The following NBAS variants were observed in gnomAD, a reference collection of about 807,000 sequenced individuals.
NBAS encodes the protein NBAS subunit of NRZ tethering complex, also known as NAG/BC035112 fusion.
A neutral mutation model predicts 302.5 loss-of-function variants in NBAS; 219 were observed. The ratio of observed to expected loss-of-function variants is 0.72; its 90% CI spans 0.65 to 0.81. The LOEUF is 0.81. NBAS is among the 30% of genes least tolerant of loss of function. The probability of loss-of-function intolerance (pLI) is 0.00; values close to 1 mark genes in which losing one functional copy is unlikely to be tolerated. For synonymous variants in NBAS, 1,118 were observed against 1,021.6 expected (o/e 1.09, Z -1.80); for missense variants, 2,932 against 2,841.6 (o/e 1.03, Z -0.72).
the NBAS span, among the ~76,000 whole-genome samples, chr2:14,890,229 G>A: frequency 6.6e-6 from 1 of 151,988 alleles, no homozygotes; most frequent in Non-Finnish European, 1.5e-5. Flanking sequence ...TAAGAATTTT[G>A]TTCTCTGCAG....
At position 15,561,232 on chromosome 2, in the gene NBAS, C is replaced by A. The variant is rs769002296; in HGVS notation, c.73G>T (p.Asp25Tyr). Reference sequence around the variant, plus strand: ...GGCCACTCGGTGTTGACCAACAAGTCATAGAGAATCGTCTCCTCCTCACCC... The same window carrying A: ...GGCCACTCGGTGTTGACCAACAAGTAATAGAGAATCGTCTCCTCCTCACCC... Reference protein sequence around the residue: ...AEGEEETILYDLLVNTEWPPE... With the variant: ...AEGEEETILYYLLVNTEWPPE... The change falls in exon 1 of 52, where the codon GAC (aspartate) becomes TAC (tyrosine). Residue 25 changes from aspartate (D) to tyrosine (Y), a missense_variant. Asp to Tyr is a radical substitution (Grantham distance 160, BLOSUM62 -3). Coordinates refer to ENST00000281513, the MANE Select transcript of NBAS (RefSeq NM_015909.4). 5.0e-6 allele frequency: 8 copies of A among 1,613,930 alleles called. No homozygotes were observed. The highest frequency in any genetic ancestry group is 6.8e-6 in the Non-Finnish European group (8 of 1,180,042).
At chr2:15,387,890 C>T (rs1675390455) in intron 28 of NBAS, among the ~76,000 whole-genome samples, 2 of 152,196 alleles carry the variant, frequency 1.3e-5, no homozygotes, top group South Asian at 4.1e-4. Context: ...CCGCCTCCGC[C>T]TCCCAAAGTG....
At chr2:15,040,282 T>C in the NBAS span, among the ~76,000 whole-genome samples, 28 of 152,242 alleles carry the variant, frequency 1.8e-4, no homozygotes, top group Non-Finnish European at 4.0e-4. Flanking sequence ...TTATTACAGG[T>C]GGGAAAATTG....
chr2:15,034,009 GAAGAAGAA>G, the NBAS span, among the ~76,000 whole-genome samples: 92 of 49,304 alleles, frequency 1.9e-3, 3 homozygotes, highest in East Asian at 9.7e-3. Flanking sequence ...AGAAGAAGAA[GAAGAAGAA>G]GAAGAAGAAG....
At chr2:15,264,979 G>A (rs1391312616) in intron 44 of NBAS, among the ~76,000 whole-genome samples, 1 of 152,102 alleles carries the variant, frequency 6.6e-6, no homozygotes, top group African/African-American at 2.4e-5. Flanking sequence ...CTTTTCTCCA[G>A]TTCATGCCAC....
chr2:15,553,566 C>G, intron 4 of NBAS, 93 bp from the exon 5 acceptor site: 1 of 1,201,648 alleles, frequency 8.3e-7, no homozygotes, highest in Non-Finnish European at 1.2e-6. Context: ...AGTTAAAAAT[C>G]ATTTTTAAAT....
At chr2:15,506,105 A>T (rs1220846083) in intron 10 of NBAS, among the ~76,000 whole-genome samples, 1 of 152,114 alleles carries the variant, frequency 6.6e-6, no homozygotes, top group Non-Finnish European at 1.5e-5. Context: ...AGGGAGAGGT[A>T]AAAAGAGTAA....
intron 44 of NBAS, among the ~76,000 whole-genome samples, chr2:15,248,509 C>A (rs1371665646): frequency 1.3e-5 from 2 of 152,024 alleles, no homozygotes; most frequent in Non-Finnish European, 2.9e-5. Context: ...TTCAAAAAAT[C>A]AATGAATCCA....
At chr2:15,007,198 G>A in the NBAS span, among the ~76,000 whole-genome samples, 31 of 152,148 alleles carry the variant, frequency 2.0e-4, no homozygotes, top group African/African-American at 5.1e-4. Context: ...TAAATTATCC[G>A]GATACACTAG....
intron 26 of NBAS, among the ~76,000 whole-genome samples, chr2:15,397,104 C>T (rs1468617518): frequency 6.6e-6 from 1 of 152,128 alleles, no homozygotes; most frequent in Admixed American, 6.5e-5. Context: ...GGAGAAACAC[C>T]GTCATGAAAA....
At chr2:15,472,748 G>A (rs759358354) in intron 16 of NBAS, among the ~76,000 whole-genome samples, 4 of 152,226 alleles carry the variant, frequency 2.6e-5, no homozygotes, top group Non-Finnish European at 5.9e-5. Flanking sequence ...CAGCCTAGGG[G>A]AGGGGCCTCC....
intron 50 of NBAS, chr2:15,180,202 G>C (rs1415761914): frequency 6.6e-6 from 1 of 152,178 alleles, no homozygotes; most frequent in African/African-American, 2.4e-5. Flanking sequence ...TTAAACTCAG[G>C]ATAAAGTTCT....
intron 42 of NBAS, among the ~76,000 whole-genome samples, chr2:15,280,928 C>A (rs970806266): frequency 1.3e-5 from 2 of 152,168 alleles, no homozygotes; most frequent in African/African-American, 4.8e-5. Flanking sequence ...TATAATGCAG[C>A]CTGACAGCTG....
At chr2:15,502,365 T>G (rs1259934891) in intron 11 of NBAS, among the ~76,000 whole-genome samples, 1 of 152,250 alleles carries the variant, frequency 6.6e-6, no homozygotes, top group Non-Finnish European at 1.5e-5. Context: ...CATGTATCAC[T>G]TAACAACAGG....
rs761339604 is a variant in NBAS, at chr2:15,474,393, G to A, written c.1342-69C>T. On this transcript the variant is annotated intron_variant, in intron 14 of 51. Transcript: ENST00000281513. ...GAATAACTTTTTAGAATTAATGAAA[G>A]AAAATATATTTCTAAATCTACTCTG... 1.9e-4 allele frequency: 265 copies of A among 1,405,918 alleles called. 1 individual carries two copies. The highest frequency in any genetic ancestry group is 2.5e-4 in the Non-Finnish European group (253 of 1,032,338). The allele number at this position is 1,405,918 out of a possible 1,614,324, so 87.1% of individuals were successfully genotyped here. A position where few individuals can be genotyped will look rare whatever the true frequency, so the allele number is the denominator to read the frequency against.
the NBAS span, among the ~76,000 whole-genome samples, chr2:14,986,978 T>C: frequency 6.6e-6 from 1 of 152,072 alleles, no homozygotes; most frequent in African/African-American, 2.4e-5. Flanking sequence ...AAAGACAAAG[T>C]CCATTAGTTT....
Position 15,474,314 on chromosome 2 carries a change from T to C in NBAS, c.1352A>G (p.Lys451Arg), listed in dbSNP as rs970496791. 4 of 1,612,874 alleles carry C rather than the reference T, an allele frequency of 2.5e-6. No homozygotes were observed. The East Asian group carries it at 8.9e-5, about 36-fold the overall frequency. Residue 451 changes from lysine (K) to arginine (R), a missense_variant, in exon 15 of 52, where the codon AAA becomes AGA. Physicochemically the swap from Lys to Arg is conservative, Grantham distance 26. Transcript: ENST00000281513. ...CAAACGAGATCGTTTGGGGGCAAGT[T>C]TAATCTCACACTAAATTGAAAAAGG... ...GGFLSLECEI[K>R]LAPKRSRLET...
chr2:15,287,344 G>A (rs534766585), intron 41 of NBAS, among the ~76,000 whole-genome samples, 161 bp from the exon 42 acceptor site: 3 of 152,284 alleles, frequency 2.0e-5, no homozygotes, highest in African/African-American at 7.2e-5. Flanking sequence ...GTACTTCCAA[G>A]GAATTGTAAT....
At chr2:15,449,865 T>C (rs1052960340) in intron 21 of NBAS, among the ~76,000 whole-genome samples, 5 of 152,298 alleles carry the variant, frequency 3.3e-5, no homozygotes, top group African/African-American at 1.2e-4. Flanking sequence ...AAGTCAGAAA[T>C]ACAAAGCCAT....
Sources: allele counts gnomAD v4.1 joint callset (sites outside exome capture counted in the v4.1 genomes callset), GRCh38; gene constraint gnomAD v4.1.1; transcripts MANE v1.5; gene names NCBI Gene and HGNC (gene_info 2026-07-23, HGNC 2026-07-21).